METTL6: variants seen among roughly 807,000 people sequenced by gnomAD.
METTL6 encodes methyltransferase 6, tRNA N3-cytidine.
METTL6 carries 22 observed loss-of-function variants against 26.4 expected under a neutral mutation model. The observed-to-expected ratio is 0.83, with a 90% CI of 0.59 to 1.19. The LOEUF (loss-of-function observed/expected upper bound fraction) is 1.19, where lower values mean the gene tolerates loss of function less well. METTL6 is among the 50% of genes most tolerant of loss of function. The probability of loss-of-function intolerance (pLI) is 0.00; values close to 1 mark genes in which losing one functional copy is unlikely to be tolerated. For missense variants in METTL6, 304 were observed against 324.8 expected, an observed-to-expected ratio of 0.94 and a Z score of 0.49; for synonymous variants, 109 against 116.2, an observed-to-expected ratio of 0.94 and a Z score of 0.40.
intron 6 of METTL6, among the ~76,000 whole-genome samples, chr3:15,391,143 T>C (rs1014477946): frequency 6.6e-6 from 1 of 152,254 alleles, no homozygotes; most frequent in South Asian, 2.1e-4. Context: ...CAGCCACTTG[T>C]ATCCTTGACA....
At chr3:15,390,084 A>G (rs1699303691) in intron 6 of METTL6, among the ~76,000 whole-genome samples, 1 of 152,064 alleles carries the variant, frequency 6.6e-6, no homozygotes, top group Non-Finnish European at 1.5e-5. Context: ...GTGAAAAAAG[A>G]AGAGAACAGA....
chr3:15,409,035 G>T (rs1396780282), downstream of METTL6, among the ~76,000 whole-genome samples: 1 of 152,094 alleles, frequency 6.6e-6, no homozygotes, highest in Non-Finnish European at 1.5e-5. Flanking sequence ...CTGTGAGAAG[G>T]CCCATGAAGC....
downstream of METTL6, among the ~76,000 whole-genome samples, chr3:15,408,145 T>G (rs914432736): frequency 6.6e-6 from 1 of 152,176 alleles, no homozygotes; most frequent in Non-Finnish European, 1.5e-5. Flanking sequence ...ATTTTAAAAA[T>G]AGAAGAAAAA....
chr3:15,413,877 G>A lies in METTL6; in HGVS notation c.673+144C>T, dbSNP rs1418562683. 2.6e-6 allele frequency: 4 copies of A among 1,526,842 alleles called. No homozygotes were observed. The African/African-American group carries it at 5.5e-5, about 21-fold the overall frequency. 94.6% of individuals were successfully genotyped at this position (1,526,842 alleles called of 1,614,324 possible). A position where few individuals can be genotyped will look rare whatever the true frequency, so the allele number is the denominator to read the frequency against. On this transcript the variant is annotated intron_variant, in intron 5 of 5. Coordinates refer to ENST00000383790, the MANE Select transcript of METTL6 (RefSeq NM_152396.4). Reference sequence around the variant, plus strand: ...CAGGTCTGTGCCTTCCAGGTGCTGGGTAAATATTGTGCAGTAGAGGGCTTG... The same window carrying A: ...CAGGTCTGTGCCTTCCAGGTGCTGGATAAATATTGTGCAGTAGAGGGCTTG...
intron 6 of METTL6, among the ~76,000 whole-genome samples, chr3:15,388,896 G>A (rs970109475): frequency 2.6e-5 from 4 of 152,218 alleles, no homozygotes; most frequent in Non-Finnish European, 5.9e-5. Flanking sequence ...TCGGAGGTTA[G>A]AAGGAAGATA....
chr3:15,395,598 T>C (rs1207095866), intron 6 of METTL6, among the ~76,000 whole-genome samples: 1 of 152,236 alleles, frequency 6.6e-6, no homozygotes, highest in African/African-American at 2.4e-5. Context: ...CTAGTCTCGA[T>C]GGTCTTTACA....
chr3:15,403,964 TGAC>T (rs1245164764), intron 6 of METTL6, among the ~76,000 whole-genome samples: 2 of 152,206 alleles, frequency 1.3e-5, no homozygotes, highest in African/African-American at 4.8e-5. Context: ...GCAGTGAGGA[TGAC>T]AAGAGGTCAC....
chr3:15,383,701 A>G (rs1461420481), exon 7 of METTL6: 6 of 152,348 alleles, frequency 3.9e-5, no homozygotes. Context: ...TGTCAATTAA[A>G]AATGTAAATT....
chr3:15,384,274 T>C, intron 6 of METTL6: 1 of 275,898 alleles, frequency 3.6e-6, no homozygotes, highest in South Asian at 3.0e-5. Flanking sequence ...CAACTCCACC[T>C]CATGTGCTCA....
intron 6 of METTL6, among the ~76,000 whole-genome samples, chr3:15,394,280 T>G (rs1215734427): frequency 6.6e-6 from 1 of 152,228 alleles, no homozygotes; most frequent in Non-Finnish European, 1.5e-5. Context: ...CTAGTTTATT[T>G]GCATAGAGGT....
chr3:15,415,134 C>T (rs1057282730), intron 4 of METTL6, among the ~76,000 whole-genome samples: 1 of 152,216 alleles, frequency 6.6e-6, no homozygotes, highest in Admixed American at 6.5e-5. Flanking sequence ...CCTCAGCTCT[C>T]ATTTCATTGT....
intron 6 of METTL6, among the ~76,000 whole-genome samples, chr3:15,403,081 T>G (rs1478760970): frequency 6.6e-6 from 1 of 151,952 alleles, no homozygotes; most frequent in East Asian, 1.9e-4. Flanking sequence ...CTGTTGTAAT[T>G]TTCTCACTGT....
intron 3 of METTL6, among the ~76,000 whole-genome samples, chr3:15,421,022 C>T (rs1180484546): frequency 2.6e-5 from 4 of 152,148 alleles, no homozygotes; most frequent in Non-Finnish European, 5.9e-5. Context: ...CCTCTTAGAA[C>T]TAGACATAGT....
At chr3:15,423,167 G>A (rs771113683) in intron 3 of METTL6, among the ~76,000 whole-genome samples, 5 of 152,114 alleles carry the variant, frequency 3.3e-5, no homozygotes, top group Admixed American at 1.3e-4. Context: ...AGGCCAAGGC[G>A]GGTGGATTAC....
At chr3:15,414,280 C>G in intron 4 of METTL6, 118 bp from the exon 5 acceptor site, 1 of 1,472,712 alleles carries the variant, frequency 6.8e-7, no homozygotes, top group South Asian at 1.4e-5. Context: ...CTGAAATGCC[C>G]ATAATACGGA....
intron 3 of METTL6, among the ~76,000 whole-genome samples, chr3:15,416,939 T>C (rs1037127322): frequency 1.3e-5 from 2 of 152,236 alleles, no homozygotes; most frequent in African/African-American, 4.8e-5. Flanking sequence ...AACAGATTTC[T>C]AGAAACTAGA....
intron 6 of METTL6, among the ~76,000 whole-genome samples, chr3:15,395,000 T>C (rs1416538387): frequency 6.6e-6 from 1 of 152,262 alleles, no homozygotes; most frequent in African/African-American, 2.4e-5. Context: ...GAGAGTTCTG[T>C]AGATGTCTAT....
At position 15,411,187 on chromosome 3, in the gene METTL6, A is replaced by C; in HGVS notation, c.*69T>G. Reference sequence around the variant, plus strand: ...TGGGATTACAGGCATGAGCCACCGCACCCAGACGAAAGAGTGATTTTAAAT... The same window carrying C: ...TGGGATTACAGGCATGAGCCACCGCCCCCAGACGAAAGAGTGATTTTAAAT... On this transcript the variant is annotated 3_prime_UTR_variant, in exon 6 of 6. Coordinates refer to ENST00000383790, the MANE Select transcript of METTL6 (RefSeq NM_152396.4). 2 of 1,522,680 alleles carry C rather than the reference A, an allele frequency of 1.3e-6. No individual in the cohort carries two copies. The highest frequency in any genetic ancestry group is 1.8e-6 in the Non-Finnish European group (2 of 1,125,754). The allele number at this position is 1,522,680 out of a possible 1,614,324, so 94.3% of individuals were successfully genotyped here.
rs959912564 is a variant in METTL6, at chr3:15,424,928, A to G, written c.360+27T>C. 5 of 1,612,446 alleles carry G rather than the reference A, an allele frequency of 3.1e-6. No individual in the cohort carries two copies. The African/African-American group carries it at 5.3e-5, about 17-fold the overall frequency. Reference sequence around the variant, plus strand: ...AAGATCGGCAAGAAAACAGAAACACAGCAGAATACATAGATGGTGCACCAA... The same window carrying G: ...AAGATCGGCAAGAAAACAGAAACACGGCAGAATACATAGATGGTGCACCAA... On this transcript the variant is annotated intron_variant, in intron 3 of 5. Transcript: ENST00000383790.
Sources: allele counts gnomAD v4.1 joint callset (sites outside exome capture counted in the v4.1 genomes callset), GRCh38; gene constraint gnomAD v4.1.1; transcripts MANE v1.5; gene names NCBI Gene and HGNC (gene_info 2026-07-23, HGNC 2026-07-21).